The following GRIA1 variants were observed in gnomAD, a reference collection of about 807,000 sequenced individuals.
The protein encoded by GRIA1 is glutamate receptor 1.
GRIA1 carries 31 observed loss-of-function variants against 99.2 expected under a neutral mutation model. That is an observed-to-expected ratio of 0.31 (90% CI 0.23 to 0.42). The LOEUF is 0.42. GRIA1 is among the 10% of genes least tolerant of loss of function. The pLI is 1.00. For synonymous variants in GRIA1, 438 were observed against 432.4 expected (o/e 1.01, Z -0.16); for missense variants, 782 against 1,157.5 (o/e 0.68, Z 4.71).
chr5:153,640,210 C>T (rs1753689480), intron 2 of GRIA1, among the ~76,000 whole-genome samples: 1 of 152,190 alleles, frequency 6.6e-6, no homozygotes, highest in South Asian at 2.1e-4. Context: ...GCTTTCAATG[C>T]CTAGTAATTA....
At chr5:153,765,012 C>T (rs1203865606) in intron 12 of GRIA1, among the ~76,000 whole-genome samples, 6 of 152,112 alleles carry the variant, frequency 3.9e-5, no homozygotes, top group Non-Finnish European at 8.8e-5. Context: ...TTTGTGTCCC[C>T]TCCTATCTCA....
intron 2 of GRIA1, among the ~76,000 whole-genome samples, chr5:153,618,010 G>T (rs1182665167): frequency 6.6e-6 from 1 of 152,206 alleles, no homozygotes; most frequent in Non-Finnish European, 1.5e-5. Flanking sequence ...TATGTGTGGG[G>T]TGGATGTAGT....
chr5:153,677,021 G>A lies in GRIA1; in HGVS notation c.889G>A (p.Val297Met), dbSNP rs762474670. The A allele has an allele frequency of 1.9e-6, 3 of 1,548,664 alleles. No individual in the cohort carries two copies. The highest frequency in any genetic ancestry group is 1.2e-5 in the South Asian group (1 of 81,326). Residue 297 changes from valine (V) to methionine (M), a missense_variant, in exon 7 of 16, where the codon GTG (valine) becomes ATG (methionine). By Grantham distance (21) the Val-to-Met change is conservative (BLOSUM62 1). This residue lies in a region of GRIA1 where 461 missense variants were observed against 521.7 expected (regional missense o/e 0.88). Transcript: ENST00000285900. Reference sequence around the variant, plus strand: ...CACCTCTGCGCTCACCTACGATGGGGTGAAGGTGATGGCTGAGGCTTTCCA... The same window carrying A: ...CACCTCTGCGCTCACCTACGATGGGATGAAGGTGATGGCTGAGGCTTTCCA... ...KYTSALTYDG[V>M]KVMAEAFQSL... is the part of the protein sequence containing the mutation.
chr5:153,533,134 A>G (rs904319207), intron 2 of GRIA1, among the ~76,000 whole-genome samples: 3 of 152,138 alleles, frequency 2.0e-5, no homozygotes, highest in African/African-American at 7.2e-5. Context: ...GTCTGAGCTG[A>G]CCTTAAAGAT....
intron 2 of GRIA1, among the ~76,000 whole-genome samples, chr5:153,558,356 T>C (rs894183332): frequency 6.6e-6 from 1 of 152,150 alleles, no homozygotes; most frequent in Non-Finnish European, 1.5e-5. Context: ...ATTTTAATTA[T>C]CCCAAAAAGG....
At chr5:153,684,836 A>G (rs1757231895) in intron 7 of GRIA1, among the ~76,000 whole-genome samples, 1 of 152,182 alleles carries the variant, frequency 6.6e-6, no homozygotes, top group Non-Finnish European at 1.5e-5. Context: ...TCCTGATTTC[A>G]TCTAAGAAAG....
intron 2 of GRIA1, among the ~76,000 whole-genome samples, chr5:153,555,422 T>C (rs1760542122): frequency 1.3e-5 from 2 of 152,098 alleles, no homozygotes; most frequent in Non-Finnish European, 2.9e-5. Flanking sequence ...ATAAAAACAA[T>C]AGGTATACAT....
intron 5 of GRIA1, among the ~76,000 whole-genome samples, chr5:153,661,762 A>G (rs759336691): frequency 5.9e-5 from 9 of 152,274 alleles, no homozygotes; most frequent in Non-Finnish European, 4.4e-5. Flanking sequence ...TTTAGCACCT[A>G]TGCTAGAAGA....
chr5:153,681,743 T>C (rs1049353217), intron 7 of GRIA1, among the ~76,000 whole-genome samples: 67 of 152,154 alleles, frequency 4.4e-4, no homozygotes, highest in African/African-American at 1.6e-3. Context: ...TAAGAAAGCA[T>C]CGTGCTTGTG....
At chr5:153,507,086 G>A (rs1204920337) in intron 2 of GRIA1, among the ~76,000 whole-genome samples, 2 of 152,098 alleles carry the variant, frequency 1.3e-5, no homozygotes, top group Non-Finnish European at 2.9e-5. Flanking sequence ...TCAAGCCACT[G>A]CACTCCAGCC....
chr5:153,665,764 G>A (rs1241071850), intron 5 of GRIA1, among the ~76,000 whole-genome samples: 1 of 152,154 alleles, frequency 6.6e-6, no homozygotes, highest in Non-Finnish European at 1.5e-5. Context: ...AATCTTGGGG[G>A]AGAACTCTCA....
chr5:153,660,695 C>T lies in GRIA1; in HGVS notation c.699+4823C>T, dbSNP rs573186377. On this transcript the variant is annotated intron_variant, in intron 5 of 15. Coordinates refer to ENST00000285900, the MANE Select transcript of GRIA1 (RefSeq NM_000827.4). ...TGGTTTAGGTACTCATATTGGCAATCGCAGTGGCACTGAAGCATTCACTTG... is the reference window on the plus strand; with the variant it reads ...TGGTTTAGGTACTCATATTGGCAATTGCAGTGGCACTGAAGCATTCACTTG... Among the ~76,000 whole-genome samples the T allele has an allele frequency of 9.2e-4, 140 of 152,258 alleles. 1 individual carries two copies. Among genetic ancestry groups the T allele is most frequent in the African/African-American group, 3.2e-3 (132 of 41,558 alleles).
At chr5:153,626,698 C>T (rs1767661301) in intron 2 of GRIA1, among the ~76,000 whole-genome samples, 1 of 152,116 alleles carries the variant, frequency 6.6e-6, no homozygotes, top group South Asian at 2.1e-4. Context: ...AATAACATCT[C>T]AGCACTGTCT....
intron 2 of GRIA1, among the ~76,000 whole-genome samples, chr5:153,518,803 G>A (rs116796419): frequency 7.2e-5 from 11 of 152,254 alleles, no homozygotes; most frequent in Admixed American, 3.3e-4. Flanking sequence ...GAGATACTGC[G>A]AGGTTCAAAT....
chr5:153,629,527 A>G (rs1341554582), intron 2 of GRIA1, among the ~76,000 whole-genome samples: 3 of 152,240 alleles, frequency 2.0e-5, no homozygotes, highest in East Asian at 1.9e-4. Flanking sequence ...AAATACTTTC[A>G]ATCTTACAGG....
intron 2 of GRIA1, among the ~76,000 whole-genome samples, chr5:153,590,564 G>T (rs561570277): frequency 2.7e-5 from 4 of 149,224 alleles, no homozygotes; most frequent in East Asian, 2.0e-4. Context: ...TACAATATAT[G>T]TATCTCTTCT....
At chr5:153,537,129 A>G (rs1026289128) in intron 2 of GRIA1, among the ~76,000 whole-genome samples, 1 of 152,234 alleles carries the variant, frequency 6.6e-6, no homozygotes, top group Non-Finnish European at 1.5e-5. Flanking sequence ...AACATTCCAA[A>G]GATACCTGCT....
At chr5:153,658,732 G>C (rs141175451) in intron 5 of GRIA1, among the ~76,000 whole-genome samples, 2 of 152,294 alleles carry the variant, frequency 1.3e-5, no homozygotes, top group African/African-American at 4.8e-5. Context: ...TAGAGTTAGA[G>C]ACCAAGGAAG....
chr5:153,587,660 T>A (rs547961095), intron 2 of GRIA1, among the ~76,000 whole-genome samples: 4 of 152,296 alleles, frequency 2.6e-5, no homozygotes, highest in Middle Eastern at 3.4e-3. Context: ...TCCACAGCTA[T>A]CATTCTGGTC....
Sources: gnomAD v4.1 joint callset for allele counts (sites outside exome capture counted in the v4.1 genomes callset) on GRCh38, gnomAD v4.1.1 for gene constraint, gnomAD v4.1.1 regional missense constraint, MANE v1.5 for transcripts, NCBI Gene and HGNC (gene_info 2026-07-23, HGNC 2026-07-21) for gene names.